The following FBN2 variants were observed in gnomAD, a reference collection of about 807,000 sequenced individuals.
The protein encoded by FBN2 is fibrillin-2.
Under a neutral mutation model 355.6 loss-of-function variants are expected in FBN2, and 105 were observed. The observed-to-expected ratio is 0.30, with a 90% CI of 0.25 to 0.35. The LOEUF is 0.35. FBN2 is among the 10% of genes least tolerant of loss of function. The pLI is 1.00. For synonymous variants in FBN2, 1,350 were observed against 1,301.2 expected, an observed-to-expected ratio of 1.04 and a Z score of -0.81; for missense variants, 3,280 against 3,758.7, an observed-to-expected ratio of 0.87 and a Z score of 3.33.
chr5:128,430,201 A>G (rs1440841493), intron 7 of FBN2, among the ~76,000 whole-genome samples: 1 of 151,314 alleles, frequency 6.6e-6, no homozygotes, highest in Admixed American at 6.6e-5. Context: ...TTTTCTTTTG[A>G]CATTCTTTTT....
intron 7 of FBN2, among the ~76,000 whole-genome samples, chr5:128,413,154 TA>T (rs1753113520): frequency 6.6e-6 from 1 of 152,206 alleles, no homozygotes; most frequent in Admixed American, 6.5e-5. Context: ...GTATGAAACT[TA>T]GCAAAGAGGT....
At chr5:128,354,486 T>A (rs778463445) in intron 20 of FBN2, among the ~76,000 whole-genome samples, 1 of 152,184 alleles carries the variant, frequency 6.6e-6, no homozygotes. Context: ...CTCTGATTTA[T>A]GTTTTAAAAG....
rs77496286 is a variant in FBN2, at chr5:128,431,367, T to C, written c.952+15114A>G. Among the ~76,000 whole-genome samples the C allele has an allele frequency of 7.4e-3, 1,124 of 152,314 alleles. 13 individuals are homozygous for C. Among genetic ancestry groups the C allele is most frequent in the African/African-American group, 0.025 (1,057 of 41,572 alleles). ...GACCCTCAATGGATGCCTGAAACCA[T>C]GCATGGTACTGAACCTGATTGCTGT... is the stretch of plus-strand genomic sequence containing the variant. On this transcript the variant is annotated intron_variant, in intron 7 of 64. Coordinates refer to ENST00000262464, the MANE Select transcript of FBN2 (RefSeq NM_001999.4).
chr5:128,338,083 C>T lies in FBN2; in HGVS notation c.3512G>A (p.Gly1171Asp). 3 of 1,614,040 alleles carry T rather than the reference C, an allele frequency of 1.9e-6. No individual in the cohort carries two copies. The highest frequency in any genetic ancestry group is 1.1e-5 in the South Asian group (1 of 91,078). ...ECERNPLLCR[G>D]GTCVNTEGSF... ...GCCCTCAGTGTTCACACAGGTGCCACCCCTACAAAGGAGAGGGTTACGTTC... is the reference window on the plus strand; with the variant it reads ...GCCCTCAGTGTTCACACAGGTGCCATCCCTACAAAGGAGAGGGTTACGTTC... The change falls in exon 27 of 65, where the codon GGT becomes GAT. Residue 1171 changes from glycine (G) to aspartate (D), a missense_variant. Gly to Asp is a moderately conservative substitution (Grantham distance 94, BLOSUM62 -1). Transcript: ENST00000262464.
intron 8 of FBN2, among the ~76,000 whole-genome samples, chr5:128,406,517 T>C (rs1449798103): frequency 6.6e-6 from 1 of 152,174 alleles, no homozygotes; most frequent in Non-Finnish European, 1.5e-5. Context: ...TATATCTGAA[T>C]TGCTAGCATC....
intron 30 of FBN2, 71 bp from the exon 31 acceptor site, chr5:128,334,915 A>G: frequency 7.3e-7 from 1 of 1,361,980 alleles, no homozygotes; most frequent in South Asian, 1.2e-5. Context: ...TCTACACTGA[A>G]TAGCATAATA....
At chr5:128,402,789 T>C (rs190177456) in intron 8 of FBN2, among the ~76,000 whole-genome samples, 92 of 152,348 alleles carry the variant, frequency 6.0e-4, no homozygotes, top group African/African-American at 2.1e-3. Flanking sequence ...ACCTCTTTGA[T>C]GGTCTGGTTC....
chr5:128,396,858 T>C (rs1191554459), intron 8 of FBN2, among the ~76,000 whole-genome samples: 1 of 152,226 alleles, frequency 6.6e-6, no homozygotes, highest in South Asian at 2.1e-4. Flanking sequence ...AGGATCTGCA[T>C]ATCAATAATG....
chr5:128,537,896 A>C lies in FBN2; in HGVS notation c.-293T>G. The C allele has an allele frequency of 7.7e-6, 4 of 521,346 alleles. No homozygotes were observed. The highest frequency in any genetic ancestry group is 2.0e-5 in the African/African-American group (1 of 49,608). 32.3% of individuals were successfully genotyped at this position (521,346 alleles called of 1,614,324 possible). ...GTTGCATAACCGGCCTAAAGCCCCG[A>C]GCGACTCCAGGACCGTCAGCGGGCG... On this transcript the variant is annotated 5_prime_UTR_variant, in exon 1 of 65. Transcript: ENST00000262464.
intron 6 of FBN2, among the ~76,000 whole-genome samples, chr5:128,462,973 T>C (rs62391610): frequency 0.011 from 1,622 of 152,196 alleles, 20 homozygotes; most frequent in Non-Finnish European, 0.015. Context: ...TCTGCAGTCA[T>C]AGAGCTTACA....
At chr5:128,392,329 T>C (rs149848463) in intron 10 of FBN2, among the ~76,000 whole-genome samples, 174 bp from the exon 11 acceptor site, 1 of 152,348 alleles carries the variant, frequency 6.6e-6, no homozygotes, top group Non-Finnish European at 1.5e-5. Context: ...CTGAGACACA[T>C]GGTTGCAACT....
chr5:128,411,700 G>T (rs968441333), intron 7 of FBN2, among the ~76,000 whole-genome samples: 1 of 152,136 alleles, frequency 6.6e-6, no homozygotes, highest in Non-Finnish European at 1.5e-5. Context: ...GGCAACATTC[G>T]GGCAGGAAAG....
chr5:128,529,194 T>C (rs1209385002), intron 3 of FBN2, among the ~76,000 whole-genome samples: 4 of 152,100 alleles, frequency 2.6e-5, no homozygotes, highest in Non-Finnish European at 5.9e-5. Flanking sequence ...ATCTCCAGTG[T>C]AGATAAATAT....
intron 23 of FBN2, among the ~76,000 whole-genome samples, chr5:128,349,063 A>G (rs1751271810): frequency 6.6e-6 from 1 of 152,202 alleles, no homozygotes; most frequent in Non-Finnish European, 1.5e-5. Flanking sequence ...TTCTTACTCT[A>G]TTAACTCAGT....
At chr5:128,466,798 T>C (rs1294514184) in intron 5 of FBN2, among the ~76,000 whole-genome samples, 1 of 152,180 alleles carries the variant, frequency 6.6e-6, no homozygotes, top group African/African-American at 2.4e-5. Context: ...CTTTGGAGTA[T>C]ACGTGAAGAT....
intron 7 of FBN2, among the ~76,000 whole-genome samples, chr5:128,430,894 A>C (rs891886126): frequency 6.0e-5 from 9 of 150,512 alleles, no homozygotes; most frequent in Non-Finnish European, 1.3e-4. Flanking sequence ...AAATAAATAA[A>C]TAACACAAAA....
intron 6 of FBN2, among the ~76,000 whole-genome samples, chr5:128,456,744 GACA>G (rs1461001022): frequency 2.6e-5 from 4 of 151,988 alleles, no homozygotes; most frequent in African/African-American, 9.7e-5. Context: ...AGCAGAAAGT[GACA>G]ACAACAGCAT....
intron 5 of FBN2, among the ~76,000 whole-genome samples, chr5:128,509,543 G>A (rs1200099828): frequency 6.6e-6 from 1 of 151,966 alleles, no homozygotes; most frequent in Non-Finnish European, 1.5e-5. Flanking sequence ...TAACATCTTT[G>A]TCAGTTTGGG....
intron 21 of FBN2, 90 bp downstream of exon 21, chr5:128,350,778 T>C (rs1751331799): frequency 1.1e-5 from 16 of 1,444,652 alleles, no homozygotes; most frequent in African/African-American, 1.4e-5. Flanking sequence ...TCTGACCTTC[T>C]TCACTAAGGA....
Sources: gnomAD v4.1 joint callset for allele counts (sites outside exome capture counted in the v4.1 genomes callset) on GRCh38, gnomAD v4.1.1 for gene constraint, MANE v1.5 for transcripts, NCBI Gene and HGNC (gene_info 2026-07-23, HGNC 2026-07-21) for gene names.